The following CCDC69 variants were observed in gnomAD, a reference collection of about 807,000 sequenced individuals.
CCDC69 encodes the protein coiled-coil domain containing 69.
In CCDC69, 38 loss-of-function variants were observed where a neutral mutation model predicts 40.3. That is an observed-to-expected ratio of 0.94 (90% CI 0.73 to 1.24). The LOEUF (loss-of-function observed/expected upper bound fraction) is 1.24. Ranked by LOEUF, CCDC69 falls within the 50% of genes most tolerant of loss-of-function variation. The pLI, the probability that CCDC69 is intolerant of heterozygous loss-of-function variation, is 0.00. For synonymous variants in CCDC69, 141 were observed against 138.9 expected (o/e 1.02, Z -0.11); for missense variants, 389 against 357.9 (o/e 1.09, Z -0.70).
At chr5:151,185,959 G>T in intron 6 of CCDC69, 64 bp downstream of exon 6, 1 of 1,109,450 alleles carries the variant, frequency 9.0e-7, no homozygotes, top group Non-Finnish European at 1.4e-6. Flanking sequence ...GGTCTTTCCT[G>T]TTGCCCGGCC....
At chr5:151,210,984 C>T (rs1752937661) in intron 1 of CCDC69, 1 of 151,998 alleles carries the variant, frequency 6.6e-6, no homozygotes, top group Admixed American at 6.6e-5. Flanking sequence ...AGAAAAAGAC[C>T]AGTTTCACTG....
At chr5:151,209,519 G>A (rs995244666) in intron 1 of CCDC69, among the ~76,000 whole-genome samples, 1 of 152,110 alleles carries the variant, frequency 6.6e-6, no homozygotes, top group Non-Finnish European at 1.5e-5. Context: ...CCTTCAGAAT[G>A]GCAGTTAAGG....
chr5:151,190,849 CA>C (rs1180817959), intron 4 of CCDC69, among the ~76,000 whole-genome samples: 1 of 151,420 alleles, frequency 6.6e-6, no homozygotes, highest in East Asian at 1.9e-4. Flanking sequence ...GGATAAAGAT[CA>C]GCGAGAACAA....
At chr5:151,213,607 T>C (rs1039632841) in intron 1 of CCDC69, among the ~76,000 whole-genome samples, 4 of 152,112 alleles carry the variant, frequency 2.6e-5, no homozygotes, top group South Asian at 2.1e-4. Flanking sequence ...CAGAAGCAAC[T>C]TGGATAGAAG....
At chr5:151,199,169 A>T (rs1182991842) in intron 3 of CCDC69, 85 bp from the exon 4 acceptor site, 1 of 1,113,930 alleles carries the variant, frequency 9.0e-7, no homozygotes, top group African/African-American at 1.5e-5. Context: ...CCTACGTGGA[A>T]CTTGGTGACC....
chr5:151,204,453 T>C (rs1426462434), intron 2 of CCDC69, among the ~76,000 whole-genome samples: 1 of 152,220 alleles, frequency 6.6e-6, no homozygotes, highest in East Asian at 1.9e-4. Flanking sequence ...CGTTCAGAGA[T>C]AGGGAGCTCC....
At chr5:151,204,039 T>G (rs1042854667) in intron 2 of CCDC69, among the ~76,000 whole-genome samples, 1 of 151,284 alleles carries the variant, frequency 6.6e-6, no homozygotes, top group Non-Finnish European at 1.5e-5. Context: ...AGGTAATTTT[T>G]CTTTTTCTGA....
intron 1 of CCDC69, among the ~76,000 whole-genome samples, chr5:151,212,487 C>G (rs1479852147): frequency 6.6e-6 from 1 of 152,150 alleles, no homozygotes; most frequent in Non-Finnish European, 1.5e-5. Context: ...TAGTAGGACA[C>G]AGCTGTCAAA....
chr5:151,215,990 T>C (rs2114003544), intron 1 of CCDC69, among the ~76,000 whole-genome samples: 1 of 152,336 alleles, frequency 6.6e-6, no homozygotes, highest in South Asian at 2.1e-4. Context: ...AACTATTTCT[T>C]TTCTGTCACC....
chr5:151,184,541 A>C lies in CCDC69; in HGVS notation c.616-100T>G, dbSNP rs905438597. ...CTGTGGTCACTGAAAGCACTGATTC[A>C]TTCTAGACTAGATGTTACATTTCAT... is the stretch of plus-strand genomic sequence containing the variant. On this transcript the variant is annotated intron_variant, in intron 7 of 8. Transcript: ENST00000355417. 3 of 722,008 alleles carry C rather than the reference A, an allele frequency of 4.2e-6. No homozygotes were observed. The African/African-American group carries it at 5.3e-5, about 13-fold the overall frequency. The allele number at this position is 722,008 out of a possible 1,614,324, so 44.7% of individuals were successfully genotyped here. A position where few individuals can be genotyped will look rare whatever the true frequency, so the allele number is the denominator to read the frequency against.
Position 151,183,566 on chromosome 5 carries a change from C to T in CCDC69, c.762G>A (p.Glu254=), listed in dbSNP as rs1419448069. 3 of 1,612,572 alleles carry T rather than the reference C, an allele frequency of 1.9e-6. No homozygotes were observed. The highest frequency in any genetic ancestry group is 8.5e-7 in the Non-Finnish European group (1 of 1,179,632). Residue 254 remains glutamate (E), a synonymous_variant, in exon 9 of 9, where the codon GAG becomes GAA. Coordinates refer to ENST00000355417, the MANE Select transcript of CCDC69 (RefSeq NM_015621.3). Reference sequence around the variant, plus strand: ...GCTGGAGCTGTCGCCGCAGCTGCACCTCCTTCTCCAGGGCCTCACGCGTGA... The same window carrying T: ...GCTGGAGCTGTCGCCGCAGCTGCACTTCCTTCTCCAGGGCCTCACGCGTGA... ...LLLTREALEK[E]VQLRRQLQQE...
chr5:151,203,182 C>T (rs1231975691), intron 2 of CCDC69, among the ~76,000 whole-genome samples: 1 of 152,044 alleles, frequency 6.6e-6, no homozygotes, highest in Non-Finnish European at 1.5e-5. Context: ...GCAAATACTC[C>T]TAACTACCAC....
chr5:151,186,501 C>A (rs1752521930), intron 5 of CCDC69, among the ~76,000 whole-genome samples: 2 of 151,832 alleles, frequency 1.3e-5, no homozygotes, highest in Non-Finnish European at 1.5e-5. Flanking sequence ...AACATACCAA[C>A]CCCACCTCTT....
intron 4 of CCDC69, among the ~76,000 whole-genome samples, chr5:151,197,818 G>GA (rs1019611033): frequency 6.6e-6 from 1 of 152,124 alleles, no homozygotes; most frequent in African/African-American, 2.4e-5. Flanking sequence ...GAAAAATCTT[G>GA]AAATTACCTA....
At chr5:151,212,954 G>C (rs1454215192) in intron 1 of CCDC69, 1 of 452,050 alleles carries the variant, frequency 2.2e-6, no homozygotes, top group Non-Finnish European at 4.5e-6. Flanking sequence ...TTAGTAGCAT[G>C]CAAGAAGAGG....
chr5:151,195,019 G>A (rs111698258), intron 4 of CCDC69, among the ~76,000 whole-genome samples: 5 of 151,660 alleles, frequency 3.3e-5, no homozygotes, highest in African/African-American at 4.8e-5. Flanking sequence ...AAGGGTCATC[G>A]AATGTGGAAA....
intron 4 of CCDC69, among the ~76,000 whole-genome samples, chr5:151,187,780 T>G (rs755720233): frequency 2.6e-5 from 4 of 152,146 alleles, no homozygotes; most frequent in Non-Finnish European, 4.4e-5. Context: ...TAAGACCACC[T>G]CGGGCCACGG....
exon 1 of CCDC69, chr5:151,224,091 CTGAACCTGGAAGCGCTGTCT>C (rs1753180447): frequency 2.3e-6 from 2 of 867,854 alleles, no homozygotes; most frequent in African/African-American, 3.6e-5. Flanking sequence ...GACCCTGAAA[CTGAACCTGGAAGCGCTGTCT>C]TGAGCCTGAG....
At chr5:151,194,429 T>G (rs1752665302) in intron 4 of CCDC69, among the ~76,000 whole-genome samples, 1 of 152,258 alleles carries the variant, frequency 6.6e-6, no homozygotes, top group African/African-American at 2.4e-5. Flanking sequence ...TCATATTGTA[T>G]TATTTCATTT....
Sources: gnomAD v4.1 joint callset for allele counts (sites outside exome capture counted in the v4.1 genomes callset) on GRCh38, gnomAD v4.1.1 for gene constraint, MANE v1.5 for transcripts, NCBI Gene and HGNC (gene_info 2026-07-23, HGNC 2026-07-21) for gene names.